UNC5D: variants seen among roughly 807,000 people sequenced by gnomAD.
The protein encoded by UNC5D is unc-5 netrin receptor D.
UNC5D carries 39 observed loss-of-function variants against 105.4 expected under a neutral mutation model. The ratio of observed to expected loss-of-function variants is 0.37; its 90% CI spans 0.29 to 0.48. UNC5D has a LOEUF of 0.48. UNC5D is among the 20% of genes least tolerant of loss of function. The pLI, the probability that UNC5D is intolerant of heterozygous loss-of-function variation, is 0.98. For synonymous variants in UNC5D, 452 were observed against 450.4 expected, an observed-to-expected ratio of 1.00 and a Z score of -0.04; for missense variants, 991 against 1,202.4, an observed-to-expected ratio of 0.82 and a Z score of 2.60.
chr8:35,469,503 G>T (rs1225370678), intron 1 of UNC5D, among the ~76,000 whole-genome samples: 1 of 152,176 alleles, frequency 6.6e-6, no homozygotes, highest in African/African-American at 2.4e-5. Context: ...GTCTATGTTT[G>T]TGGGGAAAGG....
intron 1 of UNC5D, among the ~76,000 whole-genome samples, chr8:35,400,557 A>G (rs913610620): frequency 6.6e-6 from 1 of 152,150 alleles, no homozygotes; most frequent in Admixed American, 6.5e-5. Context: ...TTTGGTTAAT[A>G]AAACAAAACC....
At chr8:35,382,767 C>G (rs974895605) in intron 1 of UNC5D, among the ~76,000 whole-genome samples, 2 of 152,110 alleles carry the variant, frequency 1.3e-5, no homozygotes, top group Non-Finnish European at 2.9e-5. Context: ...TGCTTGGATT[C>G]CAGAATGCTG....
At chr8:35,734,638 G>A (rs1004564356) in intron 11 of UNC5D, among the ~76,000 whole-genome samples, 5 of 152,190 alleles carry the variant, frequency 3.3e-5, no homozygotes, top group South Asian at 4.1e-4. Flanking sequence ...TTGAACTCCC[G>A]ACCTCAGGTG....
chr8:35,252,976 T>C (rs1237583431), intron 1 of UNC5D, among the ~76,000 whole-genome samples: 1 of 152,184 alleles, frequency 6.6e-6, no homozygotes, highest in African/African-American at 2.4e-5. Context: ...ACTAATAAAG[T>C]TAAAAATCTT....
At chr8:35,548,621 G>T (rs769913220) in intron 1 of UNC5D, among the ~76,000 whole-genome samples, 1 of 151,532 alleles carries the variant, frequency 6.6e-6, no homozygotes, top group African/African-American at 2.4e-5. Context: ...ATAACTACTG[G>T]CTATAAGCTC....
chr8:35,551,829 AAAAAAG>A lies in UNC5D; in HGVS notation c.322+2320_322+2325del, dbSNP rs1480866447. Among the ~76,000 whole-genome samples the A allele has an allele frequency of 2.6e-5, 4 of 152,002 alleles. No individual in the cohort carries two copies. In the South Asian group the frequency reaches 6.2e-4, roughly 24 times the overall value. On this transcript the variant is annotated intron_variant, in intron 2 of 16. Coordinates refer to ENST00000404895, the MANE Select transcript of UNC5D (RefSeq NM_080872.4). The stretch of plus-strand genomic sequence containing the variant: ...AAGACTCCGTCTAAAAAAAAAAAGA[AAAAAAG>A]GAAAAGGAAAAGAAAAAAGAAGTTA...
At chr8:35,669,580 C>T (rs1199050095) in intron 4 of UNC5D, among the ~76,000 whole-genome samples, 4 of 152,124 alleles carry the variant, frequency 2.6e-5, no homozygotes, top group African/African-American at 9.7e-5. Context: ...CTTCAAGCCA[C>T]TGTAATTTCT....
chr8:35,575,974 A>G (rs1485931700), intron 3 of UNC5D, among the ~76,000 whole-genome samples: 1 of 152,064 alleles, frequency 6.6e-6, no homozygotes, highest in African/African-American at 2.4e-5. Flanking sequence ...GATTTCATCC[A>G]CCTGAAGGAA....
At chr8:35,703,370 G>A (rs1231250502) in intron 7 of UNC5D, among the ~76,000 whole-genome samples, 1 of 152,098 alleles carries the variant, frequency 6.6e-6, no homozygotes, top group Non-Finnish European at 1.5e-5. Context: ...CCATTTTACT[G>A]TGAGAATACT....
chr8:35,785,684 G>A (rs1029862061), intron 16 of UNC5D, among the ~76,000 whole-genome samples: 4 of 152,118 alleles, frequency 2.6e-5, no homozygotes, highest in African/African-American at 9.7e-5. Flanking sequence ...ATTGTAAACA[G>A]ATAAATGTAG....
At chr8:35,469,760 G>A (rs1395127591) in intron 1 of UNC5D, among the ~76,000 whole-genome samples, 1 of 152,174 alleles carries the variant, frequency 6.6e-6, no homozygotes, top group Non-Finnish European at 1.5e-5. Context: ...GAGGTTTTCA[G>A]CTCAAAATCA....
intron 1 of UNC5D, among the ~76,000 whole-genome samples, chr8:35,339,964 A>C (rs1481412083): frequency 6.6e-6 from 1 of 152,168 alleles, no homozygotes; most frequent in Non-Finnish European, 1.5e-5. Context: ...CAAATCTTTC[A>C]CAAAACATTG....
chr8:35,248,657 A>G (rs1411750710), intron 1 of UNC5D, among the ~76,000 whole-genome samples: 1 of 100,080 alleles, frequency 1.0e-5, no homozygotes, highest in South Asian at 3.1e-4. Context: ...TATATTTATA[A>G]ATATAAATAT....
intron 3 of UNC5D, among the ~76,000 whole-genome samples, chr8:35,592,851 G>A (rs1819254633): frequency 6.6e-6 from 1 of 151,966 alleles, no homozygotes; most frequent in Non-Finnish European, 1.5e-5. Flanking sequence ...TTCTTTTTAT[G>A]TACACCTTTG....
chr8:35,562,293 G>A (rs1474323607), intron 2 of UNC5D, among the ~76,000 whole-genome samples: 1 of 151,834 alleles, frequency 6.6e-6, no homozygotes, highest in Non-Finnish European at 1.5e-5. Flanking sequence ...ATGATTCACG[G>A]GGTCGCAGAT....
intron 11 of UNC5D, among the ~76,000 whole-genome samples, chr8:35,735,358 A>G (rs916270502): frequency 1.1e-4 from 17 of 152,074 alleles, no homozygotes; most frequent in Admixed American, 1.1e-3. Context: ...TTTTCCAATT[A>G]CACTGTCATG....
intron 1 of UNC5D, among the ~76,000 whole-genome samples, chr8:35,426,594 T>C (rs1310237549): frequency 6.6e-6 from 1 of 152,200 alleles, no homozygotes; most frequent in African/African-American, 2.4e-5. Context: ...TAAAATATCC[T>C]GCAGTTGTTT....
intron 1 of UNC5D, among the ~76,000 whole-genome samples, chr8:35,355,025 T>A (rs1164586370): frequency 1.3e-5 from 2 of 152,036 alleles, no homozygotes; most frequent in African/African-American, 4.8e-5. Flanking sequence ...GACAGGAAAA[T>A]GAGAACTGCC....
At chr8:35,652,263 A>T (rs191483508) in intron 4 of UNC5D, among the ~76,000 whole-genome samples, 1 of 151,428 alleles carries the variant, frequency 6.6e-6, no homozygotes, top group East Asian at 1.9e-4. Context: ...GAAGATGGCT[A>T]AAAAAAACAT....
Sources: gnomAD v4.1 joint callset for allele counts (sites outside exome capture counted in the v4.1 genomes callset) on GRCh38, gnomAD v4.1.1 for gene constraint, MANE v1.5 for transcripts, NCBI Gene and HGNC (gene_info 2026-07-23, HGNC 2026-07-21) for gene names.